Variants in WDPCP observed in about 807,000 individuals in gnomAD.
The protein encoded by WDPCP is WD repeat-containing and planar cell polarity effector protein fritz homolog.
Under a neutral mutation model 93.1 loss-of-function variants are expected in WDPCP, and 71 were observed. That is an observed-to-expected ratio of 0.76 (90% confidence interval 0.63 to 0.93). The LOEUF is 0.93. WDPCP is among the 40% of genes least tolerant of loss of function. WDPCP has a pLI of 0.00. For missense variants in WDPCP, 844 were observed against 887.4 expected (o/e 0.95, Z 0.62); for synonymous variants, 315 against 315.0 (o/e 1.00, Z 0.00).
chr2:63,618,447 G>A (rs566178620), intron 3 of WDPCP, among the ~76,000 whole-genome samples: 1 of 152,138 alleles, frequency 6.6e-6, no homozygotes, highest in Non-Finnish European at 1.5e-5. Context: ...TAATTGCCCA[G>A]GTGTTAAGCA....
intron 2 of WDPCP, among the ~76,000 whole-genome samples, chr2:63,722,647 G>C (rs1393892783): frequency 1.4e-5 from 1 of 72,586 alleles, no homozygotes; most frequent in African/African-American, 6.7e-5. Flanking sequence ...CGCCCCGTCC[G>C]GGAGGGAGGT....
At chr2:63,437,151 G>A (rs969870538) in intron 8 of WDPCP, among the ~76,000 whole-genome samples, 2 of 151,954 alleles carry the variant, frequency 1.3e-5, no homozygotes, top group Non-Finnish European at 2.9e-5. Context: ...TTTCAAAAGT[G>A]TAACTTGCCT....
chr2:63,173,860 C>T (rs1043104870), intron 15 of WDPCP, among the ~76,000 whole-genome samples: 18 of 152,224 alleles, frequency 1.2e-4, no homozygotes, highest in African/African-American at 4.1e-4. Flanking sequence ...TTGATATATA[C>T]GTATTTTTTA....
intron 2 of WDPCP, among the ~76,000 whole-genome samples, chr2:63,696,558 A>G (rs1157424668): frequency 6.6e-6 from 1 of 152,160 alleles, no homozygotes; most frequent in Non-Finnish European, 1.5e-5. Flanking sequence ...GCAGAGCAGG[A>G]CCTTCACCTC....
chr2:63,525,253 G>C (rs1703241260), intron 1 of WDPCP, among the ~76,000 whole-genome samples: 1 of 152,134 alleles, frequency 6.6e-6, no homozygotes, highest in South Asian at 2.1e-4. Flanking sequence ...TGAGGGTGGA[G>C]GGTGGAAGGA....
chr2:63,281,382 GA>G (rs1441049898), intron 13 of WDPCP, among the ~76,000 whole-genome samples: 10 of 152,192 alleles, frequency 6.6e-5, no homozygotes, highest in Admixed American at 2.0e-4. Flanking sequence ...CTGTTGGTGG[GA>G]ATGTAAACTA....
At chr2:63,622,517 C>T (rs1388805871) in intron 3 of WDPCP, 2 of 1,613,812 alleles carry the variant, frequency 1.2e-6, no homozygotes, top group Admixed American at 3.3e-5. Context: ...CCACCACCAT[C>T]AGCCGGGCGT....
upstream of WDPCP, among the ~76,000 whole-genome samples, chr2:63,829,481 A>G (rs1671162096): frequency 6.6e-6 from 1 of 152,134 alleles, no homozygotes; most frequent in African/African-American, 2.4e-5. Flanking sequence ...GAGAATGAAC[A>G]ATGAGAATTT....
At chr2:63,774,736 T>C (rs542374000) in intron 2 of WDPCP, among the ~76,000 whole-genome samples, 1 of 152,254 alleles carries the variant, frequency 6.6e-6, no homozygotes, top group African/African-American at 2.4e-5. Flanking sequence ...TTCAAGTTCT[T>C]CTTCAGCTTC....
chr2:63,486,427 T>C (rs946023665), intron 4 of WDPCP, 115 bp downstream of exon 4: 1 of 890,566 alleles, frequency 1.1e-6, no homozygotes, highest in Non-Finnish European at 1.7e-6. Context: ...TCCTAAGTAA[T>C]AGGAATTTAA....
At position 63,435,812 on chromosome 2, in the gene WDPCP, G is replaced by A. The variant is rs142963940; in HGVS notation, c.633+1609C>T. Among the ~76,000 whole-genome samples the A allele has an allele frequency of 9.1e-4, 138 of 152,130 alleles. 1 individual carries two copies. The highest frequency in any genetic ancestry group is 3.4e-3 in the Middle Eastern group (1 of 294). On this transcript the variant is annotated intron_variant, in intron 8 of 17. Coordinates refer to ENST00000272321, the MANE Select transcript of WDPCP (RefSeq NM_015910.7). Reference sequence around the variant, plus strand: ...AGGAAATGAAATTAATGAGTTTTCCGAAGGGAAACAGATTACTTCTCTAAT... The same window carrying A: ...AGGAAATGAAATTAATGAGTTTTCCAAAGGGAAACAGATTACTTCTCTAAT...
chr2:63,429,876 G>A (rs1403431360), intron 9 of WDPCP, among the ~76,000 whole-genome samples: 1 of 151,910 alleles, frequency 6.6e-6, no homozygotes, highest in Non-Finnish European at 1.5e-5. Context: ...CCAAAAGGAC[G>A]TGTGCACCTG....
At chr2:63,706,637 T>G (rs1400739754) in intron 2 of WDPCP, among the ~76,000 whole-genome samples, 6 of 128,502 alleles carry the variant, frequency 4.7e-5, no homozygotes, top group African/African-American at 1.8e-4. Context: ...TGAGACGGAG[T>G]CTCGCTCTGT....
chr2:63,533,880 AG>A (rs1335882688), intron 1 of WDPCP, among the ~76,000 whole-genome samples: 1 of 59,992 alleles, frequency 1.7e-5, no homozygotes, highest in African/African-American at 1.2e-4. Context: ...TGAAGGAGAT[AG>A]AGACACAAAA....
In WDPCP at chr2:63,252,834, G is replaced by T. The variant is rs144222944; in HGVS notation, c.1915+6473C>A. ...TCAATATCATTAAAATGTCCATACT[G>T]CCCAAAGCAATCTATGGATTCAACT... On this transcript the variant is annotated intron_variant, in intron 14 of 17. Transcript: ENST00000272321. Among the ~76,000 whole-genome samples the T allele has an allele frequency of 6.5e-4, 99 of 152,222 alleles. 3 individuals carry two copies. The East Asian group carries it at 0.014, about 21-fold the overall frequency.
chr2:63,671,610 C>T (rs1483471574), intron 2 of WDPCP, among the ~76,000 whole-genome samples: 2 of 151,744 alleles, frequency 1.3e-5, no homozygotes, highest in African/African-American at 2.4e-5. Context: ...TGCAGTGGTG[C>T]GATCTCGGCT....
the WDPCP span, chr2:63,840,815 C>A: frequency 1.3e-5 from 2 of 152,728 alleles, no homozygotes; most frequent in Non-Finnish European, 2.9e-5. Flanking sequence ...GCGGTATCCC[C>A]GCGTACTGCT....
chr2:63,836,000 G>A, the WDPCP span, among the ~76,000 whole-genome samples: 3 of 152,036 alleles, frequency 2.0e-5, no homozygotes, highest in South Asian at 2.1e-4. Flanking sequence ...GATTACAGGC[G>A]CCTGCCACCA....
At chr2:63,522,027 A>G (rs920523604) in intron 1 of WDPCP, among the ~76,000 whole-genome samples, 5 of 152,124 alleles carry the variant, frequency 3.3e-5, no homozygotes, top group Admixed American at 6.6e-5. Context: ...ACACAGCCAA[A>G]GCAATTTTTT....
Sources: allele counts gnomAD v4.1 joint callset (sites outside exome capture counted in the v4.1 genomes callset), GRCh38; gene constraint gnomAD v4.1.1; transcripts MANE v1.5; gene names NCBI Gene and HGNC (gene_info 2026-07-23, HGNC 2026-07-21).